FMN1: variants seen among roughly 807,000 people sequenced by gnomAD.
FMN1 encodes the protein formin 1, also known as formin-1.
FMN1 carries 110 observed loss-of-function variants against 132.4 expected under a neutral mutation model. The ratio of observed to expected loss-of-function variants is 0.83; its 90% confidence interval spans 0.71 to 0.97. The LOEUF (loss-of-function observed/expected upper bound fraction) is 0.97, where lower values mean the gene tolerates loss of function less well. FMN1 is among the 50% of genes least tolerant of loss of function. FMN1 has a pLI of 0.00. For missense variants in FMN1, 1,792 were observed against 1,705.3 expected (o/e 1.05, Z -0.90); for synonymous variants, 722 against 651.7 (o/e 1.11, Z -1.64).
chr15:33,147,179 A>G (rs1964259459), intron 4 of FMN1, among the ~76,000 whole-genome samples: 1 of 151,740 alleles, frequency 6.6e-6, no homozygotes, highest in Admixed American at 6.6e-5. Context: ...AAAAAAAAAA[A>G]AAAGAAATAA....
In FMN1 at chr15:33,154,610, A is replaced by C. The variant is rs1434475555; in HGVS notation, c.305T>G (p.Leu102Arg). ...GATCCCCAGGATGTGGTCTGAGCTC[A>C]GGAGATTGGTTAGCAGTCTCTCCCT... ...TERERLLTNLLSSDHILGITM... is the reference protein window; with the variant it reads ...TERERLLTNLRSSDHILGITM... Residue 102 changes from leucine to arginine, a missense_variant, in exon 4 of 21, where the codon CTG becomes CGG. By Grantham distance (102) the Leu-to-Arg change is moderately radical (BLOSUM62 -2). This residue lies in a region of FMN1 where 638 missense variants were observed against 645.2 expected (regional missense o/e 0.99). Coordinates refer to ENST00000616417, the MANE Select transcript of FMN1 (RefSeq NM_001277313.2). 4.6e-6 allele frequency: 7 copies of C among 1,535,876 alleles called. No individual in the cohort carries two copies. Among genetic ancestry groups the C allele is most frequent in the Non-Finnish European group, 6.1e-6 (7 of 1,146,928 alleles).
chr15:32,931,295 A>G lies in FMN1; in HGVS notation c.3139-5034T>C, dbSNP rs532300452. Among the ~76,000 whole-genome samples, 16 of 152,342 alleles carry G rather than the reference A, an allele frequency of 1.1e-4. 1 individual carries two copies. The South Asian group carries it at 3.3e-3, about 32-fold the overall frequency. On this transcript the variant is annotated intron_variant, in intron 9 of 20. Transcript: ENST00000616417. ...TTGCTTTGGGGGAATACAGACATTCAATAATATTAATTCTTTCAATCCATA... is the reference window on the plus strand; with the variant it reads ...TTGCTTTGGGGGAATACAGACATTCGATAATATTAATTCTTTCAATCCATA...
chr15:33,018,151 C>T (rs1483693293), intron 6 of FMN1, among the ~76,000 whole-genome samples: 3 of 151,994 alleles, frequency 2.0e-5, no homozygotes, highest in Non-Finnish European at 2.9e-5. Flanking sequence ...GGGAGGTGAT[C>T]AGGTCATGAA....
chr15:32,962,105 TTTA>T (rs10645453), intron 9 of FMN1, among the ~76,000 whole-genome samples: 15,712 of 150,800 alleles, frequency 0.1, 977 homozygotes, highest in African/African-American at 0.18. Context: ...AGGGCAAGGA[TTTA>T]TTATTATTAT....
chr15:32,963,896 CAACAG>C (rs1195907948), intron 9 of FMN1, among the ~76,000 whole-genome samples: 1 of 151,438 alleles, frequency 6.6e-6, no homozygotes, highest in Non-Finnish European at 1.5e-5. Flanking sequence ...GGGAAAGCAC[CAACAG>C]CATGTAATGA....
chr15:32,991,389 T>C (rs949733538), intron 7 of FMN1, among the ~76,000 whole-genome samples: 3 of 152,202 alleles, frequency 2.0e-5, no homozygotes, highest in African/African-American at 7.2e-5. Flanking sequence ...TACTGCATAT[T>C]GATTCTCATA....
chr15:32,831,194 A>G (rs1466087865), intron 17 of FMN1, among the ~76,000 whole-genome samples: 1 of 152,106 alleles, frequency 6.6e-6, no homozygotes, highest in Admixed American at 6.5e-5. Context: ...GGCTGAGAGT[A>G]TTAAATAAAT....
chr15:33,121,158 G>A (rs1429347485), intron 4 of FMN1, among the ~76,000 whole-genome samples: 1 of 152,114 alleles, frequency 6.6e-6, no homozygotes, highest in Admixed American at 6.6e-5. Context: ...TTTCTCCAAG[G>A]ACTTAGATCA....
chr15:32,799,942 C>G (rs1264887806), intron 18 of FMN1, among the ~76,000 whole-genome samples: 1 of 152,108 alleles, frequency 6.6e-6, no homozygotes, highest in African/African-American at 2.4e-5. Flanking sequence ...GTTTATTACT[C>G]AATGCTCTAT....
intron 17 of FMN1, among the ~76,000 whole-genome samples, chr15:32,848,575 T>C (rs771584005): frequency 6.6e-6 from 1 of 152,170 alleles, no homozygotes; most frequent in African/African-American, 2.4e-5. Flanking sequence ...ATGAAAGTAA[T>C]GAGACTGTGA....
At chr15:32,982,634 T>C (rs528898997) in intron 7 of FMN1, among the ~76,000 whole-genome samples, 7 of 152,286 alleles carry the variant, frequency 4.6e-5, no homozygotes, top group Middle Eastern at 3.4e-3. Flanking sequence ...GTAAAGCAGA[T>C]TGCCCTCCCT....
intron 4 of FMN1, among the ~76,000 whole-genome samples, chr15:33,116,188 T>A (rs766402114): frequency 1.3e-5 from 2 of 152,204 alleles, no homozygotes; most frequent in Non-Finnish European, 2.9e-5. Flanking sequence ...AGAAAAAAGA[T>A]GTAAACGTAG....
intron 7 of FMN1, among the ~76,000 whole-genome samples, chr15:32,983,819 T>A (rs1411875749): frequency 6.6e-6 from 1 of 152,212 alleles, no homozygotes; most frequent in Non-Finnish European, 1.5e-5. Context: ...TTTGCACTAC[T>A]ATGACCCATC....
At chr15:32,823,169 T>C (rs1596013194) in intron 17 of FMN1, among the ~76,000 whole-genome samples, 2 of 117,432 alleles carry the variant, frequency 1.7e-5, no homozygotes, top group African/African-American at 3.0e-5. Flanking sequence ...TTTTTTTTTT[T>C]TTTTTTTTTT....
intron 3 of FMN1, among the ~76,000 whole-genome samples, chr15:33,169,565 A>T (rs1566964484): frequency 1.3e-5 from 2 of 152,120 alleles, no homozygotes. Flanking sequence ...CTGGGAATTA[A>T]AGAACTCTGA....
intron 7 of FMN1, among the ~76,000 whole-genome samples, chr15:32,970,139 T>C (rs2031656901): frequency 6.6e-6 from 1 of 152,204 alleles, no homozygotes; most frequent in South Asian, 2.1e-4. Context: ...CACAGCACTT[T>C]AAAGTATATA....
intron 5 of FMN1, among the ~76,000 whole-genome samples, chr15:33,087,653 T>C (rs1046797625): frequency 5.9e-5 from 9 of 152,178 alleles, no homozygotes; most frequent in African/African-American, 1.9e-4. Flanking sequence ...ACTGGGTATC[T>C]ACCCAGAGGA....
At chr15:32,804,754 T>C (rs576983230) in intron 17 of FMN1, among the ~76,000 whole-genome samples, 1 of 137,970 alleles carries the variant, frequency 7.2e-6, no homozygotes, top group East Asian at 2.4e-4. Flanking sequence ...AGTGAGAACA[T>C]GCAGTGTTTG....
At chr15:33,089,390 C>T (rs1027815847) in intron 4 of FMN1, among the ~76,000 whole-genome samples, 2 of 152,218 alleles carry the variant, frequency 1.3e-5, no homozygotes, top group African/African-American at 4.8e-5. Context: ...GTGCCTTGTT[C>T]ATCTTCATTT....
Sources: gnomAD v4.1 joint callset for allele counts (sites outside exome capture counted in the v4.1 genomes callset) on GRCh38, gnomAD v4.1.1 for gene constraint, gnomAD v4.1.1 regional missense constraint, MANE v1.5 for transcripts, NCBI Gene and HGNC (gene_info 2026-07-23, HGNC 2026-07-21) for gene names.